MCFD2: variants seen among roughly 807,000 people sequenced by gnomAD.
MCFD2 encodes multiple coagulation factor deficiency 2, ER cargo receptor complex subunit.
In MCFD2, 11 loss-of-function variants were observed where a neutral mutation model predicts 12.8. That is an observed-to-expected ratio of 0.86 (90% CI 0.54 to 1.42). MCFD2 has a LOEUF of 1.42. MCFD2 is among the 40% of genes most tolerant of loss of function. MCFD2 has a pLI of 0.00. For synonymous variants in MCFD2, 70 were observed against 68.1 expected (o/e 1.03, Z -0.14); for missense variants, 191 against 178.6 (o/e 1.07, Z -0.40).
At chr2:46,924,332 C>T (rs1389363632) in intron 1 of MCFD2, among the ~76,000 whole-genome samples, 2 of 151,576 alleles carry the variant, frequency 1.3e-5, no homozygotes, top group African/African-American at 2.4e-5. Flanking sequence ...TCCCTTCTCT[C>T]CACTAAGTTA....
At chr2:46,915,910 G>C (rs1668753218), upstream of MCFD2, 1 of 985,050 alleles carries the variant, frequency 1.0e-6, no homozygotes, top group Non-Finnish European at 1.2e-6. Flanking sequence ...CGGGCTGTGA[G>C]GACGGCTCGC....
upstream of MCFD2, chr2:46,917,424 T>G: frequency 1.8e-6 from 1 of 564,456 alleles, no homozygotes; most frequent in South Asian, 2.3e-5. Context: ...ATCCATCTCT[T>G]CATCCATTCA....
chr2:46,919,301 G>A (rs1207532394), upstream of MCFD2, among the ~76,000 whole-genome samples: 1 of 152,228 alleles, frequency 6.6e-6, no homozygotes, highest in Non-Finnish European at 1.5e-5. Context: ...TTGGGAGGCC[G>A]AGGCGGCAAA....
rs1447255350 is a variant in MCFD2 at position 46,905,460 on chromosome 2, C to A, written c.*3G>T. On this transcript the variant is annotated 3_prime_UTR_variant, in exon 4 of 4. Coordinates refer to ENST00000319466, the MANE Select transcript of MCFD2 (RefSeq NM_139279.6). The stretch of plus-strand genomic sequence containing the variant: ...ATATAACCAGGAGATGGCCAAATAA[C>A]ATCTACTGCAGTGATTTTGCAAATT... The A allele has an allele frequency of 1.9e-6, 3 of 1,612,154 alleles. No homozygotes were observed. The African/African-American group carries it at 4.0e-5, about 22-fold the overall frequency.
intron 1 of MCFD2, among the ~76,000 whole-genome samples, chr2:46,934,727 C>T (rs954368460): frequency 1.5e-4 from 22 of 147,756 alleles, no homozygotes; most frequent in Admixed American, 4.0e-4. Context: ...ACTTCAAAAC[C>T]ATCACTTTTG....
chr2:46,910,548 C>G (rs1668441917), intron 1 of MCFD2, among the ~76,000 whole-genome samples: 3 of 152,196 alleles, frequency 2.0e-5, no homozygotes, highest in Admixed American at 2.0e-4. Flanking sequence ...CTGTAGCTGT[C>G]TTTGTGCCTG....
Position 46,908,793 on chromosome 2 carries a change from A to C in MCFD2, c.149+230T>G, listed in dbSNP as rs192632975. 23 of 585,428 alleles carry C rather than the reference A, an allele frequency of 3.9e-5. No homozygotes were observed. The highest frequency in any genetic ancestry group is 3.7e-5 in the African/African-American group (2 of 53,784). 36.3% of individuals were successfully genotyped at this position (585,428 alleles called of 1,614,324 possible). ...GTGAAAAAAAGGAGAGACCGGATTCAGACAAGTAATGTGCCCCATTTGGGC... is the reference window on the plus strand; with the variant it reads ...GTGAAAAAAAGGAGAGACCGGATTCCGACAAGTAATGTGCCCCATTTGGGC... On this transcript the variant is annotated intron_variant, in intron 2 of 3. Coordinates refer to ENST00000319466, the MANE Select transcript of MCFD2 (RefSeq NM_139279.6). The surrounding 1 kb of genome is among the most constrained non-coding windows in gnomAD (Gnocchi z 4.5).
At chr2:46,931,728 T>G (rs1387157707) in intron 1 of MCFD2, among the ~76,000 whole-genome samples, 1 of 122,896 alleles carries the variant, frequency 8.1e-6, no homozygotes, top group African/African-American at 3.7e-5. Context: ...ATAAATAAAA[T>G]TGATAAATCC....
intron 1 of MCFD2, among the ~76,000 whole-genome samples, chr2:46,925,339 CT>C (rs1669331866): frequency 6.6e-6 from 1 of 152,132 alleles, no homozygotes; most frequent in East Asian, 1.9e-4. Flanking sequence ...GGGCGGATCA[CT>C]TGAGGTCAGG....
At chr2:46,928,297 G>C (rs1669505585) in intron 1 of MCFD2, among the ~76,000 whole-genome samples, 1 of 151,548 alleles carries the variant, frequency 6.6e-6, no homozygotes, top group Non-Finnish European at 1.5e-5. Context: ...ATCTAGGCAG[G>C]TTGTGAAAAA....
At chr2:46,920,459 T>A (rs902301386), upstream of MCFD2, among the ~76,000 whole-genome samples, 10 of 151,976 alleles carry the variant, frequency 6.6e-5, no homozygotes, top group African/African-American at 2.2e-4. Context: ...CCTCCCAAGT[T>A]GCTGGGATTA....
Position 46,909,083 on chromosome 2 carries a change from G to C in MCFD2, c.89C>G (p.Ala30Gly), listed in dbSNP as rs879024913. Residue 30 changes from alanine (A) to glycine (G), a missense_variant, in exon 2 of 4, where the codon GCA becomes GGA. Ala to Gly is a moderately conservative substitution (Grantham distance 60). Coordinates refer to ENST00000319466, the MANE Select transcript of MCFD2 (RefSeq NM_139279.6). Reference sequence around the variant, plus strand: ...GCTGCCGGGTTGGGAGAAGCTGGCTGCAGGCTCCTCAGCCCTGGCGCCTGG... The same window carrying C: ...GCTGCCGGGTTGGGAGAAGCTGGCTCCAGGCTCCTCAGCCCTGGCGCCTGG... ...CAPGARAEEP[A>G]ASFSQPGSMG... 3.1e-6 allele frequency: 5 copies of C among 1,614,126 alleles called. No individual in the cohort carries two copies. The highest frequency in any genetic ancestry group is 1.3e-5 in the African/African-American group (1 of 74,932).
upstream of MCFD2, among the ~76,000 whole-genome samples, chr2:46,918,340 T>C (rs74601590): frequency 2.5e-4 from 38 of 152,286 alleles, 1 homozygote; most frequent in East Asian, 7.3e-3. Flanking sequence ...GTATCCTGAG[T>C]CTTTGACTTC....
rs1668115532 is a variant in MCFD2 at position 46,904,038 on chromosome 2, C to T, written c.*1425G>A. 6.6e-6 allele frequency: 1 copy of T among 152,292 alleles called. No homozygotes were observed. 9.4% of individuals were successfully genotyped at this position (152,292 alleles called of 1,614,324 possible). ...TCCAGCCATGGCTGAAAGGGGCCAA[C>T]ATACAGCTCGGGCTGTGGCTTCAGA... On this transcript the variant is annotated 3_prime_UTR_variant, in exon 4 of 4. Transcript: ENST00000319466.
At chr2:46,930,581 C>A (rs977424394) in intron 1 of MCFD2, among the ~76,000 whole-genome samples, 36 of 151,252 alleles carry the variant, frequency 2.4e-4, no homozygotes, top group Admixed American at 1.3e-3. Flanking sequence ...CTCACTGCAA[C>A]CTCTGCCTCC....
rs1465591724 is a variant in MCFD2, at chr2:46,907,387, CTTTT to C, written c.309+419_309+422del. 3.2e-5 allele frequency: 6 copies of C among 187,226 alleles called. No individual in the cohort carries two copies. The highest frequency in any genetic ancestry group is 5.6e-5 in the Non-Finnish European group (5 of 89,242). 11.6% of individuals were successfully genotyped at this position (187,226 alleles called of 1,614,324 possible). A position where few individuals can be genotyped will look rare whatever the true frequency, so the allele number is the denominator to read the frequency against. On this transcript the variant is annotated intron_variant, in intron 3 of 3. Coordinates refer to ENST00000319466, the MANE Select transcript of MCFD2 (RefSeq NM_139279.6). This position sits in a 1 kb window ranked among gnomAD's most constrained non-coding sequence, Gnocchi z 4.1. ...GCAGCAGCACCTTTTTTTTTCTTTTCTTTTTTTCTCTTTTTGAGACAAGGCCTCA... is the reference window on the plus strand; with the variant it reads ...GCAGCAGCACCTTTTTTTTTCTTTTCTTTCTCTTTTTGAGACAAGGCCTCA...
intron 1 of MCFD2, among the ~76,000 whole-genome samples, chr2:46,928,781 G>T (rs1026825736): frequency 1.3e-5 from 2 of 150,804 alleles, no homozygotes; most frequent in African/African-American, 4.9e-5. Context: ...AAAAAAAAAA[G>T]TCCCACGTTT....
intron 1 of MCFD2, among the ~76,000 whole-genome samples, chr2:46,934,787 C>CTTTTTTTTTTTTTTT (rs1161003607): frequency 1.2e-4 from 8 of 66,916 alleles, no homozygotes; most frequent in Admixed American, 1.9e-4. Context: ...GACTACTGCT[C>CTTTTTTTTTTTTTTT]TTTTTTTTTT....
At chr2:46,921,836 G>A (rs1050792231) in intron 1 of MCFD2, among the ~76,000 whole-genome samples, 1 of 152,162 alleles carries the variant, frequency 6.6e-6, no homozygotes, top group Non-Finnish European at 1.5e-5. Flanking sequence ...TAGGGTTCGC[G>A]TTCCTGTGAG....
Sources: allele counts gnomAD v4.1 joint callset (sites outside exome capture counted in the v4.1 genomes callset), GRCh38; gene constraint gnomAD v4.1.1; non-coding constraint Gnocchi (gnomAD v3.1); transcripts MANE v1.5; gene names NCBI Gene and HGNC (gene_info 2026-07-23, HGNC 2026-07-21).